Variants in SEC14L5 observed in about 807,000 individuals in gnomAD.
SEC14L5 encodes the protein SEC14 like lipid binding 5.
A neutral mutation model predicts 84.6 loss-of-function variants in SEC14L5; 96 were observed. The observed-to-expected ratio is 1.13, with a 90% confidence interval of 0.96 to 1.34. The LOEUF is 1.34. Ranked by LOEUF, SEC14L5 falls within the 40% of genes most tolerant of loss-of-function variation. The pLI is 0.00. For synonymous variants in SEC14L5, 546 were observed against 383.4 expected, an observed-to-expected ratio of 1.42 and a Z score of -4.95; for missense variants, 1,224 against 942.5, an observed-to-expected ratio of 1.30 and a Z score of -3.91.
At chr16:4,976,737 C>T (rs555821193) in intron 2 of SEC14L5, among the ~76,000 whole-genome samples, 45 of 152,326 alleles carry the variant, frequency 3.0e-4, no homozygotes, top group African/African-American at 1.0e-3. Flanking sequence ...GGACCATCTC[C>T]TTTTCTGAGC....
At chr16:5,014,596 T>C (rs1039859041) in intron 15 of SEC14L5, among the ~76,000 whole-genome samples, 9 of 152,156 alleles carry the variant, frequency 5.9e-5, no homozygotes, top group Non-Finnish European at 1.3e-4. Flanking sequence ...CCCTGGGCTG[T>C]GGCGGCCTTA....
chr16:5,011,769 C>T (rs1242406600), intron 15 of SEC14L5, among the ~76,000 whole-genome samples: 2 of 152,146 alleles, frequency 1.3e-5, no homozygotes, highest in Non-Finnish European at 2.9e-5. Context: ...GTGCTTCATC[C>T]CTTAAATGGG....
intron 2 of SEC14L5, among the ~76,000 whole-genome samples, chr16:4,981,172 A>C (rs1262843038): frequency 6.7e-6 from 1 of 149,454 alleles, no homozygotes; most frequent in East Asian, 2.0e-4. Flanking sequence ...GCTGGAGTGC[A>C]GTGGTGCGAT....
At chr16:4,984,674 C>G (rs1218167226) in intron 2 of SEC14L5, among the ~76,000 whole-genome samples, 1 of 152,210 alleles carries the variant, frequency 6.6e-6, no homozygotes, top group African/African-American at 2.4e-5. Context: ...GCTTCAATTT[C>G]TCCACATCCT....
rs749266094 is a variant in SEC14L5 at position 5,011,256 on chromosome 16, C to T, written c.1962C>T (p.Leu654=). 5.1e-5 allele frequency: 82 copies of T among 1,613,590 alleles called. No individual in the cohort carries two copies. The highest frequency in any genetic ancestry group is 6.4e-5 in the Non-Finnish European group (76 of 1,179,818). Residue 654 remains leucine (L), a synonymous_variant, in exon 15 of 16, where the codon CTC becomes CTT. Coordinates refer to ENST00000251170, the MANE Select transcript of SEC14L5 (RefSeq NM_014692.2). The part of the protein sequence containing the change: ...KCKLLYYCEV[L]ASEDFRGSMS... The stretch of plus-strand genomic sequence containing the variant: ...AACTTCTCTACTACTGTGAGGTGCT[C>T]GCCTCTGAGGACTTCAGGTAGGAGG...
chr16:5,009,555 C>G (rs1955775949), intron 14 of SEC14L5, among the ~76,000 whole-genome samples: 1 of 152,106 alleles, frequency 6.6e-6, no homozygotes, highest in South Asian at 2.1e-4. Flanking sequence ...AATGCCTGAG[C>G]TCAAGCGATC....
chr16:5,005,626 C>T (rs1412609667), intron 11 of SEC14L5, among the ~76,000 whole-genome samples: 1 of 151,912 alleles, frequency 6.6e-6, no homozygotes, highest in Non-Finnish European at 1.5e-5. Flanking sequence ...CTTTGGGAGG[C>T]CGAGGCAGGT....
chr16:4,990,156 T>C (rs1051949366), intron 4 of SEC14L5, among the ~76,000 whole-genome samples: 5 of 146,968 alleles, frequency 3.4e-5, no homozygotes, highest in African/African-American at 9.7e-5. Flanking sequence ...TGAACAATTG[T>C]ATTTATTTTA....
chr16:4,966,209 G>A (rs1042286155), intron 2 of SEC14L5, among the ~76,000 whole-genome samples: 2 of 146,952 alleles, frequency 1.4e-5, no homozygotes, highest in South Asian at 2.2e-4. Context: ...CTCATAATCC[G>A]CCCTCCTCTG....
At chr16:4,996,246 T>C in intron 6 of SEC14L5, 102 bp from the exon 7 acceptor site, 1 of 715,364 alleles carries the variant, frequency 1.4e-6, no homozygotes, top group South Asian at 1.9e-5. Context: ...GGAACCACGT[T>C]TTAGAGTCAG....
intron 2 of SEC14L5, among the ~76,000 whole-genome samples, chr16:4,966,366 C>T (rs992269676): frequency 6.0e-5 from 9 of 149,776 alleles, no homozygotes; most frequent in African/African-American, 1.5e-4. Context: ...ATTCACCTCC[C>T]GGGTTCAAGT....
chr16:4,987,930 G>C (rs1026779094), intron 3 of SEC14L5, among the ~76,000 whole-genome samples: 7 of 152,084 alleles, frequency 4.6e-5, no homozygotes, highest in Non-Finnish European at 1.0e-4. Context: ...ACTGGGCGGG[G>C]TTCGCGGGGC....
chr16:4,971,578 T>G (rs926560108), intron 2 of SEC14L5, among the ~76,000 whole-genome samples: 1 of 152,218 alleles, frequency 6.6e-6, no homozygotes, highest in East Asian at 1.9e-4. Flanking sequence ...TTCTGACAAC[T>G]GAGGGGGAGT....
At chr16:4,970,396 A>G (rs1240819190) in intron 2 of SEC14L5, among the ~76,000 whole-genome samples, 1 of 152,176 alleles carries the variant, frequency 6.6e-6, no homozygotes, top group Non-Finnish European at 1.5e-5. Context: ...GAAGTGAACT[A>G]GCTTAATGGG....
intron 2 of SEC14L5, among the ~76,000 whole-genome samples, chr16:4,985,773 T>C (rs1179887376): frequency 6.6e-6 from 1 of 150,404 alleles, no homozygotes; most frequent in Non-Finnish European, 1.5e-5. Flanking sequence ...AATATATATT[T>C]ATATACATAC....
chr16:4,995,416 G>C (rs1425507561), intron 6 of SEC14L5, among the ~76,000 whole-genome samples: 1 of 152,174 alleles, frequency 6.6e-6, no homozygotes, highest in Non-Finnish European at 1.5e-5. Flanking sequence ...TTCCCAGGCT[G>C]CTAAAGAGAG....
At chr16:4,990,727 C>T (rs372880182) in intron 4 of SEC14L5, 40 bp from the exon 5 acceptor site, 50 of 1,570,314 alleles carry the variant, frequency 3.2e-5, no homozygotes, top group South Asian at 7.1e-5. Flanking sequence ...AGGGTGCCCC[C>T]GACATTGAGT....
At chr16:4,987,415 G>T in intron 2 of SEC14L5, 142 bp from the exon 3 acceptor site, 1 of 635,406 alleles carries the variant, frequency 1.6e-6, no homozygotes, top group Non-Finnish European at 2.6e-6. Flanking sequence ...TGTTGGTAAT[G>T]ACGGCAAAAT....
In SEC14L5 at chr16:4,996,364, G is replaced by C. The variant is rs1210637101; in HGVS notation, c.684G>C (p.Ala228=). 8 of 1,559,066 alleles carry C rather than the reference G, an allele frequency of 5.1e-6. No individual in the cohort carries two copies. In the Middle Eastern group the frequency reaches 6.7e-4, roughly 130 times the overall value. Residue 228 remains alanine, a synonymous_variant, in exon 7 of 16, where the codon GCG becomes GCC. Coordinates refer to ENST00000251170, the MANE Select transcript of SEC14L5 (RefSeq NM_014692.2). ...TCCTCCAAGGGGACAAGCTGGATGC[G>C]GACTACATTGAGAGGTGCCTGGGCC... The part of the protein sequence containing the change: ...AVSMDGDKLD[A]DYIERCLGHL...
Sources: allele counts gnomAD v4.1 joint callset (sites outside exome capture counted in the v4.1 genomes callset), GRCh38; gene constraint gnomAD v4.1.1; transcripts MANE v1.5; gene names NCBI Gene and HGNC (gene_info 2026-07-23, HGNC 2026-07-21).